MORN3: variants seen among roughly 807,000 people sequenced by gnomAD.
MORN3 encodes MORN repeat-containing protein 3.
Under a neutral mutation model 34.7 loss-of-function variants are expected in MORN3, and 38 were observed. That is an observed-to-expected ratio of 1.10 (90% CI 0.85 to 1.44). The LOEUF is 1.44. Among genes scored for constraint, MORN3 ranks in the 40% most tolerant of loss-of-function variants. The pLI is 0.00. For synonymous variants in MORN3, 109 were observed against 115.3 expected, an observed-to-expected ratio of 0.95 and a Z score of 0.35; for missense variants, 311 against 321.7, an observed-to-expected ratio of 0.97 and a Z score of 0.25.
chr12:121,668,973 A>C (rs1014360256), intron 1 of MORN3, among the ~76,000 whole-genome samples: 5 of 152,032 alleles, frequency 3.3e-5, no homozygotes, highest in Non-Finnish European at 7.4e-5. Context: ...GAAGCCCAGA[A>C]CCCCACTGCA....
chr12:121,655,304 C>T (rs1164995756), intron 2 of MORN3, among the ~76,000 whole-genome samples: 3 of 150,748 alleles, frequency 2.0e-5, no homozygotes, highest in Non-Finnish European at 4.4e-5. Context: ...GCTGAGAATG[C>T]ACGGTAGCCT....
At chr12:121,653,699 G>A (rs1893319236) in intron 3 of MORN3, among the ~76,000 whole-genome samples, 1 of 152,076 alleles carries the variant, frequency 6.6e-6, no homozygotes, top group South Asian at 2.1e-4. Context: ...GTAGAGACAG[G>A]GTTTCTCCAC....
At chr12:121,652,652 G>T (rs1893285894) in intron 5 of MORN3, 76 bp downstream of exon 5, 10 of 1,410,146 alleles carry the variant, frequency 7.1e-6, no homozygotes, top group African/African-American at 1.4e-5. Context: ...GGAGACCCCA[G>T]GAGATCTGTG....
At chr12:121,664,906 T>C (rs1167649719) in intron 1 of MORN3, among the ~76,000 whole-genome samples, 2 of 146,164 alleles carry the variant, frequency 1.4e-5, no homozygotes, top group Non-Finnish European at 3.0e-5. Context: ...TGGATGCTCA[T>C]GACTATGCCT....
upstream of MORN3, among the ~76,000 whole-genome samples, chr12:121,669,832 ATTTTTTTTTT>A (rs63366260): frequency 5.2e-4 from 70 of 133,430 alleles, no homozygotes; most frequent in African/African-American, 1.6e-3. Context: ...ATATATATAT[ATTTTTTTTTT>A]TATGTCTTCT....
chr12:121,658,533 T>C (rs1337466488), intron 2 of MORN3, among the ~76,000 whole-genome samples: 3 of 128,272 alleles, frequency 2.3e-5, no homozygotes, highest in Non-Finnish European at 4.6e-5. Flanking sequence ...GCCACTGCAC[T>C]CCAGCCTGGG....
At chr12:121,655,376 C>T (rs566732327) in intron 2 of MORN3, among the ~76,000 whole-genome samples, 10 of 151,828 alleles carry the variant, frequency 6.6e-5, no homozygotes, top group African/African-American at 2.2e-4. Flanking sequence ...TCATGCTCGC[C>T]CCCCTCCCAC....
At position 121,669,357 on chromosome 12, in the gene MORN3, T is replaced by G. The variant is rs17854927; in HGVS notation, c.127A>C (p.Lys43Gln). ...CACTCACCGTGTTTCACGTTGTCCTTCCACTCGCCCACATAGTAGTCGCCA... is the reference window on the plus strand; with the variant it reads ...CACTCACCGTGTTTCACGTTGTCCTGCCACTCGCCCACATAGTAGTCGCCA... The part of the protein sequence containing the change: ...VNGDYYVGEW[K>Q]DNVKHGKGTQ... The change falls in exon 1 of 6, where the codon AAG (lysine) becomes CAG (glutamine). Residue 43 changes from lysine to glutamine, a missense_variant. Physicochemically the swap from Lys to Gln is moderately conservative, Grantham distance 53. Coordinates refer to ENST00000355329, the MANE Select transcript of MORN3 (RefSeq NM_173855.5). The G allele has an allele frequency of 1.2e-6, 2 of 1,613,722 alleles. No homozygotes were observed. The highest frequency in any genetic ancestry group is 2.7e-5 in the African/African-American group (2 of 75,028).
At chr12:121,664,528 G>T (rs2049543785) in intron 1 of MORN3, among the ~76,000 whole-genome samples, 1 of 152,222 alleles carries the variant, frequency 6.6e-6, no homozygotes, top group South Asian at 2.1e-4. Context: ...GGAGGCCAAG[G>T]CGGGCGGATC....
chr12:121,658,859 A>G (rs1162995486), intron 2 of MORN3, among the ~76,000 whole-genome samples: 3 of 152,056 alleles, frequency 2.0e-5, no homozygotes, highest in African/African-American at 7.2e-5. Flanking sequence ...ATTCTCAGAA[A>G]GTGATACCTG....
chr12:121,659,271 C>T lies in MORN3; in HGVS notation c.223G>A (p.Gly75Ser), dbSNP rs756089408. 1.9e-6 allele frequency: 3 copies of T among 1,614,048 alleles called. No homozygotes were observed. The highest frequency in any genetic ancestry group is 1.3e-5 in the African/African-American group (1 of 75,012). Residue 75 changes from glycine (G) to serine (S), a missense_variant, in exon 2 of 6, where the codon GGC becomes AGC. Gly to Ser is a moderately conservative substitution (Grantham distance 56). Transcript: ENST00000355329. The part of the protein sequence containing the change: ...DWKFGKRDGY[G>S]TLSLPDQQTG... Reference sequence around the variant, plus strand: ...TGTTGGTCAGGAAGGCTGAGGGTGCCGTAGCCGTCTCGCTTCCCAAACTTC... The same window carrying T: ...TGTTGGTCAGGAAGGCTGAGGGTGCTGTAGCCGTCTCGCTTCCCAAACTTC...
In MORN3 at chr12:121,649,730, A is replaced by C. The variant is rs1477149270; in HGVS notation, c.*1921T>G. On this transcript the variant is annotated 3_prime_UTR_variant, in exon 6 of 6. Transcript: ENST00000355329. ...ATTTTTTTTTTTTTTTTTTTTGGAG[A>C]TGGTGTCTCGCTCTGTCGCCCAGGC... The C allele has an allele frequency of 7.8e-6, 1 of 128,910 alleles. No homozygotes were observed. The highest frequency in any genetic ancestry group is 1.6e-5 in the Non-Finnish European group (1 of 63,470). 8.0% of individuals were successfully genotyped at this position (128,910 alleles called of 1,614,324 possible).
At chr12:121,658,057 C>A (rs1387317373) in intron 2 of MORN3, among the ~76,000 whole-genome samples, 10 of 151,922 alleles carry the variant, frequency 6.6e-5, no homozygotes, top group Non-Finnish European at 1.5e-5. Context: ...CACTGTCTTT[C>A]CCCCACCCAC....
intron 3 of MORN3, among the ~76,000 whole-genome samples, chr12:121,653,753 G>A (rs557215513): frequency 2.6e-5 from 4 of 152,194 alleles, no homozygotes; most frequent in African/African-American, 7.2e-5. Context: ...TGATCCGCCC[G>A]CCTCTGCCTC....
upstream of MORN3, among the ~76,000 whole-genome samples, chr12:121,669,837 T>A (rs1489817967): frequency 2.9e-3 from 401 of 136,188 alleles, 5 homozygotes; most frequent in African/African-American, 9.2e-3. Context: ...TATATATTTT[T>A]TTTTTTATGT....
intron 1 of MORN3, among the ~76,000 whole-genome samples, chr12:121,665,173 G>C (rs539135608): frequency 6.7e-6 from 1 of 149,664 alleles, no homozygotes; most frequent in Non-Finnish European, 1.5e-5. Context: ...GATACGCACA[G>C]TATATGGCCT....
intron 1 of MORN3, among the ~76,000 whole-genome samples, chr12:121,667,321 T>C (rs1250822461): frequency 6.6e-6 from 1 of 151,896 alleles, no homozygotes; most frequent in Non-Finnish European, 1.5e-5. Context: ...TGGCATGATA[T>C]TGGCTCACTG....
At chr12:121,671,014 G>C (rs368848401), upstream of MORN3, among the ~76,000 whole-genome samples, 4 of 151,580 alleles carry the variant, frequency 2.6e-5, no homozygotes, top group South Asian at 8.3e-4. Flanking sequence ...GGGAGGCTGA[G>C]GCAGGAGAAT....
chr12:121,672,076 T>C (rs1300735568), upstream of MORN3, among the ~76,000 whole-genome samples: 1 of 152,146 alleles, frequency 6.6e-6, no homozygotes, highest in Admixed American at 6.6e-5. Context: ...TTAGGGAACA[T>C]AGGTTCTACT....
Sources: allele counts gnomAD v4.1 joint callset (sites outside exome capture counted in the v4.1 genomes callset), GRCh38; gene constraint gnomAD v4.1.1; transcripts MANE v1.5; gene names NCBI Gene and HGNC (gene_info 2026-07-23, HGNC 2026-07-21).